Variants in LRRC40 observed in about 807,000 individuals in gnomAD.
The protein encoded by LRRC40 is leucine-rich repeat-containing protein 40.
A neutral mutation model predicts 72.8 loss-of-function variants in LRRC40; 76 were observed. The observed-to-expected ratio is 1.04, with a 90% CI of 0.87 to 1.26. The LOEUF (loss-of-function observed/expected upper bound fraction) is 1.26. Ranked by LOEUF, LRRC40 falls within the 50% of genes most tolerant of loss-of-function variation. The pLI is 0.00. For synonymous variants in LRRC40, 243 were observed against 254.2 expected (o/e 0.96, Z 0.42); for missense variants, 684 against 698.9 (o/e 0.98, Z 0.24).
chr1:70,157,420 A>G (rs1341463949), intron 10 of LRRC40, among the ~76,000 whole-genome samples: 1 of 152,248 alleles, frequency 6.6e-6, no homozygotes, highest in East Asian at 1.9e-4. Context: ...GTCTTTAAGA[A>G]AAACAAATCC....
chr1:70,153,669 T>C (rs1667565364), intron 11 of LRRC40, among the ~76,000 whole-genome samples: 1 of 152,116 alleles, frequency 6.6e-6, no homozygotes, highest in Non-Finnish European at 1.5e-5. Context: ...AAAATACTTA[T>C]GACAAATAAA....
At chr1:70,152,308 G>T in intron 12 of LRRC40, 125 bp downstream of exon 12, 1 of 578,700 alleles carries the variant, frequency 1.7e-6, no homozygotes, top group Non-Finnish European at 3.1e-6. Flanking sequence ...CTAAACTATT[G>T]TTAATAAATA....
chr1:70,201,879 A>G (rs1346789966), intron 1 of LRRC40, among the ~76,000 whole-genome samples: 4 of 152,176 alleles, frequency 2.6e-5, no homozygotes, highest in Admixed American at 2.6e-4. Context: ...CAGGAGGCTG[A>G]GACGGGAGAA....
At chr1:70,184,302 A>G (rs553523562) in intron 4 of LRRC40, among the ~76,000 whole-genome samples, 54 of 152,334 alleles carry the variant, frequency 3.5e-4, no homozygotes, top group South Asian at 2.7e-3. Context: ...GTATTGCTTT[A>G]CAGTTATCTC....
At chr1:70,198,335 G>A (rs1668660845) in intron 1 of LRRC40, among the ~76,000 whole-genome samples, 1 of 152,170 alleles carries the variant, frequency 6.6e-6, no homozygotes, top group Non-Finnish European at 1.5e-5. Context: ...CAACAGTGCA[G>A]TTTCCATTAG....
chr1:70,187,947 C>T (rs532097904), intron 2 of LRRC40, among the ~76,000 whole-genome samples: 53 of 151,622 alleles, frequency 3.5e-4, no homozygotes, highest in African/African-American at 1.2e-3. Context: ...AGAAAAATTT[C>T]AACTCATTAG....
At chr1:70,171,947 T>TA (rs1251001759) in intron 9 of LRRC40, among the ~76,000 whole-genome samples, 1 of 152,168 alleles carries the variant, frequency 6.6e-6, no homozygotes, top group African/African-American at 2.4e-5. Context: ...CTTTCTGATC[T>TA]ACTAACTCAG....
At position 70,173,702 on chromosome 1, in the gene LRRC40, A is replaced by G; in HGVS notation, c.985T>C (p.Tyr329His). ...LSNNDISSLP[Y>H]SLGNLHLKFL... ...TTCAAATGAAGGTTCCCCAATGAATAGGGAAGACTATAAAAGATTAAATTG... is the reference window on the plus strand; with the variant it reads ...TTCAAATGAAGGTTCCCCAATGAATGGGGAAGACTATAAAAGATTAAATTG... The change falls in exon 8 of 15, where the codon TAT becomes CAT. Residue 329 changes from tyrosine (Y) to histidine (H), a missense_variant. By Grantham distance (83) the Tyr-to-His change is moderately conservative. Coordinates refer to ENST00000370952, the MANE Select transcript of LRRC40 (RefSeq NM_017768.5). The G allele has an allele frequency of 6.7e-7, 1 of 1,492,136 alleles. No homozygotes were observed. Among genetic ancestry groups the G allele is most frequent in the South Asian group, 1.2e-5 (1 of 82,468 alleles). The allele number at this position is 1,492,136 out of a possible 1,614,324, so 92.4% of individuals were successfully genotyped here.
intron 9 of LRRC40, among the ~76,000 whole-genome samples, chr1:70,161,009 G>C (rs1667746680): frequency 6.6e-6 from 1 of 151,556 alleles, no homozygotes; most frequent in African/African-American, 2.4e-5. Context: ...AAAAAAAAAA[G>C]TTGTAATTGT....
chr1:70,162,280 C>CA (rs548698493), intron 9 of LRRC40, among the ~76,000 whole-genome samples: 29 of 143,228 alleles, frequency 2.0e-4, no homozygotes, highest in Admixed American at 9.1e-4. Flanking sequence ...TGGGTGGCTA[C>CA]AAAAAAAAAA....
chr1:70,188,464 A>G (rs561463341), intron 2 of LRRC40, among the ~76,000 whole-genome samples: 17 of 152,296 alleles, frequency 1.1e-4, no homozygotes, highest in Non-Finnish European at 2.5e-4. Flanking sequence ...GGCCAGGTGC[A>G]GTAGCTCACG....
intron 1 of LRRC40, among the ~76,000 whole-genome samples, chr1:70,204,732 T>TAC (rs3219841): frequency 0.15 from 21,833 of 145,158 alleles, 1,736 homozygotes; most frequent in South Asian, 0.23. Flanking sequence ...CTCTCTCTCT[T>TAC]ACACACACAC....
At chr1:70,190,101 A>T (rs1159914248) in intron 1 of LRRC40, among the ~76,000 whole-genome samples, 1 of 152,212 alleles carries the variant, frequency 6.6e-6, no homozygotes, top group African/African-American at 2.4e-5. Context: ...AGAATGCTGT[A>T]GTGTTGTAGC....
chr1:70,148,465 T>C, intron 14 of LRRC40, 22 bp downstream of exon 14: 1 of 1,538,400 alleles, frequency 6.5e-7, no homozygotes, highest in Non-Finnish European at 8.9e-7. Flanking sequence ...AATGAAACAA[T>C]GCAGTAGAAT....
rs555182852 is a variant in LRRC40 at position 70,204,167 on chromosome 1, G to C, written c.151+1223C>G. 1.1e-4 allele frequency among the ~76,000 whole-genome samples: 17 copies of C among 152,254 alleles called. No individual in the cohort carries two copies. In the South Asian group the frequency reaches 2.9e-3, roughly 26 times the overall value. On this transcript the variant is annotated intron_variant, in intron 1 of 14. Coordinates refer to ENST00000370952, the MANE Select transcript of LRRC40 (RefSeq NM_017768.5). The stretch of plus-strand genomic sequence containing the variant: ...AAGTACATTCTAGCACACCACTTAT[G>C]ATTTGAGAATACTCATTCACTTACT...
Position 70,164,246 on chromosome 1 carries a change from C to T in LRRC40, c.1112-4808G>A, listed in dbSNP as rs182466566. Among the ~76,000 whole-genome samples, 23 of 151,888 alleles carry T rather than the reference C, an allele frequency of 1.5e-4. No homozygotes were observed. The South Asian group carries it at 2.7e-3, about 18-fold the overall frequency. ...TCTCTACTAAAAATACAAAATTAGC[C>T]GGGCGTGGTTGCACATGCCTGTAAT... On this transcript the variant is annotated intron_variant, in intron 9 of 14. Transcript: ENST00000370952.
chr1:70,151,113 TG>T lies in LRRC40; in HGVS notation c.1517+14del, dbSNP rs1169553112. 1.4e-6 allele frequency: 2 copies of T among 1,406,986 alleles called. No homozygotes were observed. The highest frequency in any genetic ancestry group is 2.0e-6 in the Non-Finnish European group (2 of 999,286). The allele number at this position is 1,406,986 out of a possible 1,614,324, so 87.2% of individuals were successfully genotyped here. ...ATTTCCACAGAATAACAATTAGAAT[TG>T]TCTGTTCTCTTACCTATTAAAGGAA... On this transcript the variant is annotated intron_variant, in intron 13 of 14. Coordinates refer to ENST00000370952, the MANE Select transcript of LRRC40 (RefSeq NM_017768.5).
intron 10 of LRRC40, among the ~76,000 whole-genome samples, chr1:70,156,527 A>G (rs552307770): frequency 6.6e-6 from 1 of 152,288 alleles, no homozygotes; most frequent in Non-Finnish European, 1.5e-5. Context: ...CTTTATTAAA[A>G]TTTTCAGTAA....
At chr1:70,179,211 G>A (rs1449502076) in intron 5 of LRRC40, among the ~76,000 whole-genome samples, 1 of 151,998 alleles carries the variant, frequency 6.6e-6, no homozygotes, top group South Asian at 2.1e-4. Flanking sequence ...TATTACTTAG[G>A]CCAGTTGTGC....
Sources: gnomAD v4.1 joint callset for allele counts (sites outside exome capture counted in the v4.1 genomes callset) on GRCh38, gnomAD v4.1.1 for gene constraint, MANE v1.5 for transcripts, NCBI Gene and HGNC (gene_info 2026-07-23, HGNC 2026-07-21) for gene names.